CCNH: variants seen among roughly 807,000 people sequenced by gnomAD.
The protein encoded by CCNH is cyclin H, also known as cyclin-H.
Under a neutral mutation model 41.9 loss-of-function variants are expected in CCNH, and 31 were observed. The observed-to-expected ratio is 0.74, with a 90% CI of 0.56 to 1.00. The LOEUF is 1.00. Among genes scored for constraint, CCNH ranks in the 50% least tolerant of loss-of-function variants. The probability of loss-of-function intolerance (pLI) is 0.00; values close to 1 mark genes in which losing one functional copy is unlikely to be tolerated. For synonymous variants in CCNH, 138 were observed against 136.1 expected (o/e 1.01, Z -0.10); for missense variants, 362 against 388.4 (o/e 0.93, Z 0.57).
At chr5:87,360,831 T>C (rs1472579644) in intron 9 of CCNH, among the ~76,000 whole-genome samples, 1 of 152,222 alleles carries the variant, frequency 6.6e-6, no homozygotes, top group Non-Finnish European at 1.5e-5. Flanking sequence ...GCTGTTTCTT[T>C]GCATTCGTTT....
chr5:87,316,615 G>C (rs73156360), downstream of CCNH, among the ~76,000 whole-genome samples: 259 of 152,276 alleles, frequency 1.7e-3, 1 homozygote, highest in Middle Eastern at 0.017. Flanking sequence ...TTGAGAACAT[G>C]GAGAGTGGGA....
At chr5:87,334,569 A>G (rs1182113403) in intron 9 of CCNH, among the ~76,000 whole-genome samples, 1 of 152,204 alleles carries the variant, frequency 6.6e-6, no homozygotes, top group Non-Finnish European at 1.5e-5. Flanking sequence ...CTAAGACATA[A>G]CTTGCCTTTT....
At chr5:87,326,869 G>GA (rs1213490221) in intron 9 of CCNH, among the ~76,000 whole-genome samples, 1 of 151,948 alleles carries the variant, frequency 6.6e-6, no homozygotes, top group South Asian at 2.1e-4. Context: ...TGCCTTAGTA[G>GA]AAAAAAAGAT....
chr5:87,382,446 G>C (rs569649847), intron 9 of CCNH, among the ~76,000 whole-genome samples: 1 of 152,226 alleles, frequency 6.6e-6, no homozygotes, highest in South Asian at 2.1e-4. Context: ...AATAATGCTT[G>C]TCTTTACATG....
At chr5:87,361,002 A>G (rs746260189) in intron 9 of CCNH, among the ~76,000 whole-genome samples, 31 of 152,212 alleles carry the variant, frequency 2.0e-4, no homozygotes, top group Non-Finnish European at 3.5e-4. Flanking sequence ...ATGCCGCAAT[A>G]CTTTGCAACA....
chr5:87,357,829 C>A (rs1759767147), intron 9 of CCNH, among the ~76,000 whole-genome samples: 1 of 152,156 alleles, frequency 6.6e-6, no homozygotes, highest in Admixed American at 6.6e-5. Context: ...TATAACTGAA[C>A]AAACCTCCAA....
chr5:87,330,833 G>T, intron 9 of CCNH: 1 of 606,110 alleles, frequency 1.6e-6, no homozygotes, highest in African/African-American at 1.9e-5. Flanking sequence ...TCAGCTTCAC[G>T]TTCAAACAGG....
downstream of CCNH, among the ~76,000 whole-genome samples, chr5:87,373,509 G>A (rs147811613): frequency 6.6e-6 from 1 of 152,224 alleles, no homozygotes; most frequent in African/African-American, 2.4e-5. Flanking sequence ...ATTACAACCT[G>A]TAGTGTAGAC....
chr5:87,376,587 T>C, exon 1 of CCNH: 1 of 1,604,712 alleles, frequency 6.2e-7, no homozygotes, highest in Non-Finnish European at 8.5e-7. Context: ...TTTATCAGTC[T>C]TGTTTTTGTT....
downstream of CCNH, among the ~76,000 whole-genome samples, chr5:87,388,769 A>G (rs1762247144): frequency 6.6e-6 from 1 of 152,182 alleles, no homozygotes; most frequent in African/African-American, 2.4e-5. Context: ...TATATGCATT[A>G]TCAACTTAGA....
At chr5:87,393,607 A>C (rs956100479), downstream of CCNH, 5 of 152,172 alleles carry the variant, frequency 3.3e-5, no homozygotes, top group Admixed American at 3.3e-4. Flanking sequence ...TAACATATTT[A>C]ATCTGCAAAA....
intron 5 of CCNH, among the ~76,000 whole-genome samples, chr5:87,401,984 T>C (rs1763456905): frequency 6.6e-6 from 1 of 152,232 alleles, no homozygotes; most frequent in African/African-American, 2.4e-5. Context: ...GACATTCAGG[T>C]ACAACCTTTC....
At chr5:87,313,335 A>G in the CCNH span, among the ~76,000 whole-genome samples, 5 of 152,192 alleles carry the variant, frequency 3.3e-5, no homozygotes, top group Non-Finnish European at 7.3e-5. Flanking sequence ...ATAGATAACT[A>G]CCACAGGGTA....
intron 7 of CCNH, among the ~76,000 whole-genome samples, chr5:87,399,059 A>G (rs1178512018): frequency 2.0e-5 from 3 of 152,172 alleles, no homozygotes; most frequent in Non-Finnish European, 4.4e-5. Context: ...CTCAGACCAG[A>G]TATCACAACT....
At chr5:87,341,747 T>C (rs1758481760) in intron 9 of CCNH, among the ~76,000 whole-genome samples, 1 of 152,150 alleles carries the variant, frequency 6.6e-6, no homozygotes, top group Non-Finnish European at 1.5e-5. Flanking sequence ...ATCTTCAGAC[T>C]GATTTTATGT....
intron 9 of CCNH, among the ~76,000 whole-genome samples, chr5:87,386,320 C>T (rs1762059009): frequency 6.6e-6 from 1 of 152,016 alleles, no homozygotes; most frequent in Non-Finnish European, 1.5e-5. Flanking sequence ...GTACGATGAG[C>T]AGTTAACTAC....
rs1253336188 is a variant in CCNH at position 87,376,951 on chromosome 5, T to G, written n.230A>C. 2 of 1,611,462 alleles carry G rather than the reference T, an allele frequency of 1.2e-6. No homozygotes were observed. ...GTATGTGGACAAGACCGAACACTAC[T>G]GGCCAGCATCCTACTGAGGATTTTT... On this transcript the variant is annotated non_coding_transcript_exon_variant, in exon 1 of 1. Coordinates refer to the CCNH transcript ENST00000607486.
intron 7 of CCNH, among the ~76,000 whole-genome samples, chr5:87,396,604 A>T (rs1357114989): frequency 1.3e-5 from 2 of 152,170 alleles, no homozygotes; most frequent in African/African-American, 4.8e-5. Context: ...TGGGTGACAC[A>T]GCAAGACTCC....
At chr5:87,374,127 G>A, downstream of CCNH, 1 of 1,301,398 alleles carries the variant, frequency 7.7e-7, no homozygotes, top group Non-Finnish European at 9.9e-7. Flanking sequence ...CTAGAAATCT[G>A]GGGTAATATA....
Sources: gnomAD v4.1 joint callset for allele counts (sites outside exome capture counted in the v4.1 genomes callset) on GRCh38, gnomAD v4.1.1 for gene constraint, MANE v1.5 for transcripts, NCBI Gene and HGNC (gene_info 2026-07-23, HGNC 2026-07-21) for gene names.